The following PITPNM1 variants were observed in gnomAD, a reference collection of about 807,000 sequenced individuals.
The protein encoded by PITPNM1 is phosphatidylinositol transfer protein membrane associated 1.
In PITPNM1, 74 loss-of-function variants were observed where a neutral mutation model predicts 133.3. The ratio of observed to expected loss-of-function variants is 0.56; its 90% CI spans 0.46 to 0.67. PITPNM1 has a LOEUF of 0.67. PITPNM1 is among the 30% of genes least tolerant of loss of function. The pLI, the probability that PITPNM1 is intolerant of heterozygous loss-of-function variation, is 0.00. For synonymous variants in PITPNM1, 738 were observed against 741.4 expected (o/e 1.00, Z 0.08); for missense variants, 1,398 against 1,739.5 (o/e 0.80, Z 3.49).
At position 67,501,843 on chromosome 11, in the gene PITPNM1, C is replaced by T; in HGVS notation, c.640+19G>A. On this transcript the variant is annotated intron_variant, in intron 5 of 23. Coordinates refer to ENST00000356404, the MANE Select transcript of PITPNM1 (RefSeq NM_004910.3). ...GGGGCATGCTGGGTAAGTGGGACCT[C>T]CCGCAGCTGGGTGCTCACCTACATC... The T allele has an allele frequency of 1.2e-6, 2 of 1,608,654 alleles. No homozygotes were observed. The highest frequency in any genetic ancestry group is 1.7e-6 in the Non-Finnish European group (2 of 1,176,066).
At chr11:67,501,502 C>T (rs957730450) in intron 5 of PITPNM1, among the ~76,000 whole-genome samples, 1 of 152,226 alleles carries the variant, frequency 6.6e-6, no homozygotes, top group Non-Finnish European at 1.5e-5. Context: ...AGAATGACAT[C>T]AGAGTCACAG....
chr11:67,495,337 C>T, intron 16 of PITPNM1, 101 bp downstream of exon 16: 4 of 1,465,984 alleles, frequency 2.7e-6, no homozygotes, highest in Middle Eastern at 2.4e-4. Context: ...TTGCCAAGTC[C>T]AGGCTGTGTG....
Position 67,498,757 on chromosome 11 carries a change from T to C in PITPNM1, c.1323A>G (p.Ser441=). 1 of 1,611,854 alleles carries C rather than the reference T, an allele frequency of 6.2e-7. No individual in the cohort carries two copies. Among genetic ancestry groups the C allele is most frequent in the African/African-American group, 1.3e-5 (1 of 75,036 alleles). The change falls in exon 10 of 24, where the codon TCA becomes TCG. Residue 441 remains serine (S), a synonymous_variant. Transcript: ENST00000356404. The surrounding 1 kb of genome is among the most constrained non-coding windows in gnomAD (Gnocchi z 5.7). ...GCTTGGAGTTGGCGTCTCCAGGGCC[T>C]GAGTCCAGGATGTTGCCGCTGTGCA... ...LILHSGNILD[S]GPGDANSKQA...
In PITPNM1 at chr11:67,504,250, T is replaced by G; in HGVS notation, c.-41-29A>C. On this transcript the variant is annotated intron_variant, in intron 1 of 23. Transcript: ENST00000356404. The surrounding 1 kb of genome is among the most constrained non-coding windows in gnomAD (Gnocchi z 5.4). The stretch of plus-strand genomic sequence containing the variant: ...GCGCAGGGCACGGCGCGACAGTCAG[T>G]GCGGGGAGGCTGCGCGCGGCCCCGA... 11 of 1,040,484 alleles carry G rather than the reference T, an allele frequency of 1.1e-5. No individual in the cohort carries two copies. The highest frequency in any genetic ancestry group is 7.7e-6 in the Non-Finnish European group (6 of 782,556). 64.5% of individuals were successfully genotyped at this position (1,040,484 alleles called of 1,614,324 possible).
Position 67,497,685 on chromosome 11 carries a change from T to C in PITPNM1, c.1783-6A>G. ...GGAGAGAGCAGCTCATTGTTCTGGA[T>C]GGAACAGGAGACAGAAACATTCTTA... On this transcript the variant is annotated splice_region_variant and splice_polypyrimidine_tract_variant and intron_variant, in intron 12 of 23. Transcript: ENST00000356404. 6.2e-7 allele frequency: 1 copy of C among 1,609,106 alleles called. No homozygotes were observed. Among genetic ancestry groups the C allele is most frequent in the Non-Finnish European group, 8.5e-7 (1 of 1,178,910 alleles).
rs759018279 is a variant in PITPNM1, at chr11:67,504,231, G to A, written c.-41-10C>T. ...GCGGCCTCCGCTCCTCCTGGCGCAG[G>A]GCACGGCGCGACAGTCAGTGCGGGG... On this transcript the variant is annotated splice_polypyrimidine_tract_variant and intron_variant, in intron 1 of 23. Coordinates refer to ENST00000356404, the MANE Select transcript of PITPNM1 (RefSeq NM_004910.3). The surrounding 1 kb of genome is among the most constrained non-coding windows in gnomAD (Gnocchi z 5.4). 2 of 1,424,082 alleles carry A rather than the reference G, an allele frequency of 1.4e-6. No individual in the cohort carries two copies. The highest frequency in any genetic ancestry group is 1.4e-5 in the African/African-American group (1 of 70,448). The allele number at this position is 1,424,082 out of a possible 1,614,324, so 88.2% of individuals were successfully genotyped here. A position where few individuals can be genotyped will look rare whatever the true frequency, so the allele number is the denominator to read the frequency against.
At chr11:67,494,448 A>G (rs1361359841) in intron 18 of PITPNM1, 88 bp from the exon 19 acceptor site, 17 of 485,332 alleles carry the variant, frequency 3.5e-5, no homozygotes, top group African/African-American at 3.2e-4. Flanking sequence ...ACACGCAAAC[A>G]CCGGGGTGGG....
chr11:67,502,146 C>T lies in PITPNM1; in HGVS notation c.416-60G>A. On this transcript the variant is annotated intron_variant, in intron 4 of 23. Transcript: ENST00000356404. The surrounding 1 kb of genome is among the most constrained non-coding windows in gnomAD (Gnocchi z 5.9). ...CCCCTTTGAGCCCCCGCTCCTGGCACCCTCTTGGGACTGGATGACAGTTCC... is the reference window on the plus strand; with the variant it reads ...CCCCTTTGAGCCCCCGCTCCTGGCATCCTCTTGGGACTGGATGACAGTTCC... The T allele has an allele frequency of 1.3e-6, 2 of 1,568,634 alleles. No individual in the cohort carries two copies. Among genetic ancestry groups the T allele is most frequent in the Non-Finnish European group, 1.7e-6 (2 of 1,149,896 alleles).
chr11:67,495,385 G>A, intron 16 of PITPNM1, 53 bp downstream of exon 16: 1 of 1,459,486 alleles, frequency 6.9e-7, no homozygotes, highest in Non-Finnish European at 9.1e-7. Context: ...TTCGGAGGTG[G>A]AATACGGGCC....
rs749364123 is a variant in PITPNM1, at chr11:67,504,174, T to A, written c.7A>T (p.Ile3Phe). The A allele has an allele frequency of 6.2e-7, 1 of 1,605,418 alleles. No individual in the cohort carries two copies. The highest frequency in any genetic ancestry group is 8.5e-7 in the Non-Finnish European group (1 of 1,176,936). ...GGCAGCAGAATGTGGTATTCCTTGA[T>A]GAGCATCCTGAAGGCGCTCGGCGGG... is the stretch of plus-strand genomic sequence containing the variant. ML[I>F]KEYHILLPMS... Residue 3 changes from isoleucine (I) to phenylalanine (F), a missense_variant, in exon 2 of 24, where the codon ATC (isoleucine) becomes TTC (phenylalanine). By Grantham distance (21) the Ile-to-Phe change is conservative (BLOSUM62 0). Around this residue, in one of 5 missense-constraint regions of PITPNM1, gnomAD observed 274 missense variants for 360.7 expected, o/e 0.76. Coordinates refer to ENST00000356404, the MANE Select transcript of PITPNM1 (RefSeq NM_004910.3). The surrounding 1 kb of genome is among the most constrained non-coding windows in gnomAD (Gnocchi z 5.4).
In PITPNM1 at chr11:67,502,714, T is replaced by C; in HGVS notation, c.83A>G (p.Lys28Arg). The change falls in exon 3 of 24, where the codon AAG (lysine) becomes AGG (arginine). Residue 28 changes from lysine to arginine, a missense_variant. Around this residue, in one of 5 missense-constraint regions of PITPNM1, gnomAD observed 274 missense variants for 360.7 expected, o/e 0.76. Transcript: ENST00000356404. The surrounding 1 kb of genome is among the most constrained non-coding windows in gnomAD (Gnocchi z 5.9). ...QVAQLYMIQK[K>R]SREESSGEGS... ...CTCACCACTAGACTCCTCCCGGCTC[T>C]TTTTCTGTGGCCCAAGGGAGAGCAG... 6.2e-7 allele frequency: 1 copy of C among 1,611,922 alleles called. No homozygotes were observed. The highest frequency in any genetic ancestry group is 8.5e-7 in the Non-Finnish European group (1 of 1,178,912).
chr11:67,495,202 T>G lies in PITPNM1; in HGVS notation c.2506A>C (p.Lys836Gln). ...VKILERWWGTKRIDYSLYCPE... is the reference protein window; with the variant it reads ...VKILERWWGTQRIDYSLYCPE... ...CAGTACAGCGAGTAGTCGATCCGCTTGGTCCCCCACCAGCGCTCCAGGACT... is the reference window on the plus strand; with the variant it reads ...CAGTACAGCGAGTAGTCGATCCGCTGGGTCCCCCACCAGCGCTCCAGGACT... Residue 836 changes from lysine (K) to glutamine (Q), a missense_variant, in exon 17 of 24, where the codon AAG becomes CAG. By Grantham distance (53) the Lys-to-Gln change is moderately conservative. Around this residue, in one of 5 missense-constraint regions of PITPNM1, gnomAD observed 574 missense variants for 698.7 expected, o/e 0.82. Transcript: ENST00000356404. 1 of 1,605,518 alleles carries G rather than the reference T, an allele frequency of 6.2e-7. No homozygotes were observed. The highest frequency in any genetic ancestry group is 8.5e-7 in the Non-Finnish European group (1 of 1,175,750).
chr11:67,504,156 G>A lies in PITPNM1; in HGVS notation c.25C>T (p.Leu9=). ...TACTCGTCCAGGCTCATGGGCAGCA[G>A]AATGTGGTATTCCTTGATGAGCATC... MLIKEYHI[L]LPMSLDEYQV... The change falls in exon 2 of 24, where the codon CTG becomes TTG. Residue 9 remains leucine (L), a synonymous_variant. Coordinates refer to ENST00000356404, the MANE Select transcript of PITPNM1 (RefSeq NM_004910.3). The surrounding 1 kb of genome is among the most constrained non-coding windows in gnomAD (Gnocchi z 5.4). 1.2e-6 allele frequency: 2 copies of A among 1,608,906 alleles called. No individual in the cohort carries two copies. The highest frequency in any genetic ancestry group is 8.5e-7 in the Non-Finnish European group (1 of 1,178,184).
At chr11:67,503,264 C>T (rs1591067021) in intron 2 of PITPNM1, among the ~76,000 whole-genome samples, 1 of 152,114 alleles carries the variant, frequency 6.6e-6, no homozygotes, top group Non-Finnish European at 1.5e-5. Context: ...TGCTCAAGGC[C>T]GGGGGAAGCC....
chr11:67,493,268 C>A, intron 22 of PITPNM1, 142 bp downstream of exon 22: 2 of 1,103,568 alleles, frequency 1.8e-6, no homozygotes, highest in South Asian at 3.1e-5. Flanking sequence ...ACTAGGGGAG[C>A]AGGACCGTAG....
Position 67,502,749 on chromosome 11 carries a change from C to T in PITPNM1, c.79-31G>A, listed in dbSNP as rs57525565. 6.3e-7 allele frequency: 1 copy of T among 1,596,788 alleles called. No individual in the cohort carries two copies. Among genetic ancestry groups the T allele is most frequent in the Admixed American group, 1.7e-5 (1 of 59,828 alleles). ...GCCCAAGGGAGAGCAGGACAGGGAG[C>T]TCAGCCCCAGCTTAGCATCTGGGAT... On this transcript the variant is annotated intron_variant, in intron 2 of 23. Coordinates refer to ENST00000356404, the MANE Select transcript of PITPNM1 (RefSeq NM_004910.3). This position sits in a 1 kb window ranked among gnomAD's most constrained non-coding sequence, Gnocchi z 5.9.
At chr11:67,493,195 C>A in intron 22 of PITPNM1, 133 bp from the exon 23 acceptor site, 1 of 1,200,166 alleles carries the variant, frequency 8.3e-7, no homozygotes, top group Admixed American at 2.0e-5. Flanking sequence ...CCCAGTCCCA[C>A]GGGGACAGGG....
rs1260345800 is a variant in PITPNM1 at position 67,502,219 on chromosome 11, T to C, written c.415+73A>G. On this transcript the variant is annotated intron_variant, in intron 4 of 23. Coordinates refer to ENST00000356404, the MANE Select transcript of PITPNM1 (RefSeq NM_004910.3). The surrounding 1 kb of genome is among the most constrained non-coding windows in gnomAD (Gnocchi z 5.9). ...GAGGCCTGGAGAGGGCTGGGACTTC[T>C]CAGAGGCTGCCCACTGAGGCAGCCA... 1.3e-6 allele frequency: 2 copies of C among 1,580,476 alleles called. No homozygotes were observed. The highest frequency in any genetic ancestry group is 8.6e-7 in the Non-Finnish European group (1 of 1,162,884).
intron 23 of PITPNM1, among the ~76,000 whole-genome samples, chr11:67,492,697 C>T (rs550461431): frequency 2.6e-5 from 4 of 152,260 alleles, no homozygotes; most frequent in African/African-American, 9.6e-5. Flanking sequence ...AAGCCATGGC[C>T]GAGTGGAACC....
Sources: gnomAD v4.1 joint callset for allele counts (sites outside exome capture counted in the v4.1 genomes callset) on GRCh38, gnomAD v4.1.1 for gene constraint, gnomAD v4.1.1 regional missense constraint, Gnocchi (gnomAD v3.1) non-coding constraint, MANE v1.5 for transcripts, NCBI Gene and HGNC (gene_info 2026-07-23, HGNC 2026-07-21) for gene names.